PHKB: variants seen among roughly 807,000 people sequenced by gnomAD.
The protein encoded by PHKB is phosphorylase kinase regulatory subunit beta.
PHKB carries 122 observed loss-of-function variants against 152.1 expected under a neutral mutation model. The observed-to-expected ratio is 0.80, with a 90% CI of 0.69 to 0.93. The LOEUF is 0.93. PHKB is among the 40% of genes least tolerant of loss of function. The pLI is 0.00. For missense variants in PHKB, 1,304 were observed against 1,328.4 expected (o/e 0.98, Z 0.29); for synonymous variants, 436 against 464.9 (o/e 0.94, Z 0.80).
chr16:47,521,062 A>G (rs376100444), intron 6 of PHKB, among the ~76,000 whole-genome samples: 4 of 152,156 alleles, frequency 2.6e-5, no homozygotes, highest in Non-Finnish European at 5.9e-5. Flanking sequence ...GTTCATTGCT[A>G]TCATATAGAA....
chr16:47,549,912 T>A (rs1034830693), intron 7 of PHKB, among the ~76,000 whole-genome samples: 4 of 152,110 alleles, frequency 2.6e-5, no homozygotes, highest in Non-Finnish European at 4.4e-5. Context: ...TTTTTTGCCA[T>A]CGTTTGCATG....
chr16:47,627,402 T>C (rs1293230394), intron 14 of PHKB, among the ~76,000 whole-genome samples: 1 of 152,218 alleles, frequency 6.6e-6, no homozygotes, highest in Non-Finnish European at 1.5e-5. Flanking sequence ...CAGCAAGTAC[T>C]TAGAAAGGGG....
At chr16:47,573,882 C>T (rs1012375548) in intron 7 of PHKB, among the ~76,000 whole-genome samples, 72 of 152,178 alleles carry the variant, frequency 4.7e-4, no homozygotes, top group Non-Finnish European at 1.9e-4. Flanking sequence ...GCAATGGCTT[C>T]CCTCCATCCC....
At chr16:47,528,509 T>C (rs1970803838) in intron 6 of PHKB, among the ~76,000 whole-genome samples, 1 of 152,142 alleles carries the variant, frequency 6.6e-6, no homozygotes, top group South Asian at 2.1e-4. Context: ...TTATAAAAGT[T>C]GATGATGTTA....
intron 14 of PHKB, among the ~76,000 whole-genome samples, chr16:47,616,633 T>C (rs975533845): frequency 1.4e-5 from 2 of 145,564 alleles, no homozygotes; most frequent in African/African-American, 2.5e-5. Context: ...TATTAATATA[T>C]GATATTTTAC....
intron 6 of PHKB, among the ~76,000 whole-genome samples, chr16:47,545,236 G>T (rs369208191): frequency 3.9e-5 from 6 of 152,276 alleles, no homozygotes; most frequent in East Asian, 3.9e-4. Flanking sequence ...TGTACTGGTT[G>T]TTCCTTTCCA....
chr16:47,624,556 G>A (rs889692107), intron 14 of PHKB, among the ~76,000 whole-genome samples: 1 of 152,136 alleles, frequency 6.6e-6, no homozygotes, highest in Non-Finnish European at 1.5e-5. Flanking sequence ...AATCCCAGAA[G>A]ACTAAGAAAA....
intron 26 of PHKB, among the ~76,000 whole-genome samples, chr16:47,671,007 A>G (rs1405017799): frequency 1.3e-5 from 2 of 151,962 alleles, no homozygotes; most frequent in Non-Finnish European, 2.9e-5. Flanking sequence ...ACCCCCATCT[A>G]CTACCCACCT....
At chr16:47,575,599 CAG>C (rs1173383228) in intron 7 of PHKB, among the ~76,000 whole-genome samples, 1 of 152,098 alleles carries the variant, frequency 6.6e-6, no homozygotes, top group African/African-American at 2.4e-5. Context: ...TAAACTAACT[CAG>C]AAAGAGAAAG....
intron 17 of PHKB, 34 bp from the exon 18 acceptor site, chr16:47,649,066 T>G (rs1411678030): frequency 2.6e-6 from 3 of 1,158,854 alleles, no homozygotes; most frequent in East Asian, 2.3e-5. Flanking sequence ...GGTATGTTCT[T>G]TAGTTATTTG....
intron 1 of PHKB, among the ~76,000 whole-genome samples, chr16:47,483,397 A>G (rs1324440554): frequency 6.6e-6 from 1 of 152,110 alleles, no homozygotes; most frequent in Non-Finnish European, 1.5e-5. Flanking sequence ...TTTCCCCTCC[A>G]TATAATTCAG....
intron 6 of PHKB, among the ~76,000 whole-genome samples, chr16:47,542,958 T>A (rs1255944407): frequency 6.6e-6 from 1 of 152,244 alleles, no homozygotes; most frequent in East Asian, 1.9e-4. Context: ...AGAGAGAATT[T>A]GACTTCCTCT....
intron 1 of PHKB, among the ~76,000 whole-genome samples, chr16:47,483,039 T>C (rs551204042): frequency 2.5e-3 from 343 of 138,842 alleles, no homozygotes; most frequent in Non-Finnish European, 2.3e-3. Flanking sequence ...AATTTCTTTT[T>C]TTTTTTTTTT....
At chr16:47,651,272 A>G (rs1483667810) in intron 20 of PHKB, among the ~76,000 whole-genome samples, 1 of 152,210 alleles carries the variant, frequency 6.6e-6, no homozygotes, top group African/African-American at 2.4e-5. Context: ...CAACCTGGGA[A>G]TAAACCTTTT....
chr16:47,587,558 C>G lies in PHKB; in HGVS notation c.775-110C>G, dbSNP rs963074460. The G allele has an allele frequency of 9.5e-6, 7 of 740,344 alleles. No individual in the cohort carries two copies. In the African/African-American group the frequency reaches 1.2e-4, roughly 13 times the overall value. The allele number at this position is 740,344 out of a possible 1,614,324, so 45.9% of individuals were successfully genotyped here. A position where few individuals can be genotyped will look rare whatever the true frequency, so the allele number is the denominator to read the frequency against. ...TTTAAATCTTCTGGAACTCCACACT[C>G]AAGATGCAGACAATGTCAGTATTTT... On this transcript the variant is annotated intron_variant, in intron 8 of 30. Coordinates refer to ENST00000323584, the MANE Select transcript of PHKB (RefSeq NM_000293.3).
chr16:47,596,384 G>C lies in PHKB; in HGVS notation c.1216G>C (p.Val406Leu), dbSNP rs934401270. Residue 406 changes from valine (V) to leucine (L), a missense_variant, in exon 13 of 31, where the codon GTA becomes CTA. Coordinates refer to ENST00000323584, the MANE Select transcript of PHKB (RefSeq NM_000293.3). ...TTTAAACTCCATAGGATATCCTGTTGTACCAAAGTACTATTATGTGCCAGC... is the reference window on the plus strand; with the variant it reads ...TTTAAACTCCATAGGATATCCTGTTCTACCAAAGTACTATTATGTGCCAGC... ...LHHTTEGYPV[V>L]PKYYYVPADF... 3.1e-6 allele frequency: 5 copies of C among 1,603,856 alleles called. No homozygotes were observed. The African/African-American group carries it at 6.7e-5, about 21-fold the overall frequency.
At chr16:47,667,702 C>T (rs1461592218) in intron 25 of PHKB, among the ~76,000 whole-genome samples, 3 of 152,172 alleles carry the variant, frequency 2.0e-5, no homozygotes, top group Non-Finnish European at 4.4e-5. Context: ...ATTTTAGATC[C>T]TTGTAGCATT....
chr16:47,543,647 G>C (rs1364703849), intron 6 of PHKB, among the ~76,000 whole-genome samples: 3 of 152,064 alleles, frequency 2.0e-5, no homozygotes, highest in African/African-American at 7.2e-5. Flanking sequence ...TTTTTGGTTG[G>C]TAGGCTATTA....
At chr16:47,605,717 AT>A (rs201837289) in intron 13 of PHKB, among the ~76,000 whole-genome samples, 20 of 150,122 alleles carry the variant, frequency 1.3e-4, no homozygotes, top group African/African-American at 2.7e-4. Context: ...GAAAAAGTGT[AT>A]TTTTTTTTTC....
Sources: allele counts gnomAD v4.1 joint callset (sites outside exome capture counted in the v4.1 genomes callset), GRCh38; gene constraint gnomAD v4.1.1; transcripts MANE v1.5; gene names NCBI Gene and HGNC (gene_info 2026-07-23, HGNC 2026-07-21).